The following SCLT1 variants were observed in gnomAD, a reference collection of about 807,000 sequenced individuals.
The protein encoded by SCLT1 is sodium channel and clathrin linker 1, also known as sodium channel-associated protein 1.
In SCLT1, 78 loss-of-function variants were observed where a neutral mutation model predicts 112.8. The observed-to-expected ratio is 0.69, with a 90% CI of 0.58 to 0.83. SCLT1 has a LOEUF of 0.83. Among genes scored for constraint, SCLT1 ranks in the 40% least tolerant of loss-of-function variants. The probability of loss-of-function intolerance (pLI) is 0.00; values close to 1 mark genes in which losing one functional copy is unlikely to be tolerated. For synonymous variants in SCLT1, 257 were observed against 254.7 expected (o/e 1.01, Z -0.09); for missense variants, 747 against 770.4 (o/e 0.97, Z 0.36).
At chr4:128,977,190 T>G (rs753525202) in intron 9 of SCLT1, among the ~76,000 whole-genome samples, 1 of 152,232 alleles carries the variant, frequency 6.6e-6, no homozygotes, top group East Asian at 1.9e-4. Flanking sequence ...ATGCATTCAT[T>G]CTTTGAACAA....
intron 18 of SCLT1, among the ~76,000 whole-genome samples, chr4:128,906,229 G>T (rs992420614): frequency 6.6e-6 from 1 of 151,908 alleles, no homozygotes; most frequent in African/African-American, 2.4e-5. Context: ...ACAGAGTCTC[G>T]CTCTGTCGCC....
At chr4:128,914,219 A>T (rs1735307555) in intron 18 of SCLT1, among the ~76,000 whole-genome samples, 1 of 152,126 alleles carries the variant, frequency 6.6e-6, no homozygotes, top group South Asian at 2.1e-4. Flanking sequence ...CAAAAAAATT[A>T]GCTGGGCATG....
chr4:128,873,502 T>C (rs1300216569), intron 5 of SCLT1: 1 of 152,640 alleles, frequency 6.6e-6, no homozygotes, highest in Non-Finnish European at 1.5e-5. Context: ...TATTAAGTTA[T>C]CAGCAATAAT....
rs1487885150 is a variant in SCLT1, at chr4:129,027,578, TG to T, written c.290+11462del. Among the ~76,000 whole-genome samples the T allele has an allele frequency of 4.5e-4, 68 of 152,206 alleles. 1 individual carries two copies. The highest frequency in any genetic ancestry group is 1.6e-3 in the African/African-American group (65 of 41,538). On this transcript the variant is annotated intron_variant, in intron 5 of 20. Transcript: ENST00000281142. ...AACCCACAGCCAATATCATACTGAA[TG>T]GGCAAAAACTGGAAGCATTCCCTTT...
In SCLT1 at chr4:129,039,021, C is replaced by G. The variant is rs755500139; in HGVS notation, c.290+20G>C. ...CCTAAGACAATAATAAAAGATAAAACCAATAGTTAATTGATTTACCTTTCA... is the reference window on the plus strand; with the variant it reads ...CCTAAGACAATAATAAAAGATAAAAGCAATAGTTAATTGATTTACCTTTCA... On this transcript the variant is annotated intron_variant, in intron 5 of 20. Coordinates refer to ENST00000281142, the MANE Select transcript of SCLT1 (RefSeq NM_144643.4). The G allele has an allele frequency of 7.3e-7, 1 of 1,361,204 alleles. No homozygotes were observed. The highest frequency in any genetic ancestry group is 1.2e-5 in the South Asian group (1 of 85,086). The allele number at this position is 1,361,204 out of a possible 1,614,324, so 84.3% of individuals were successfully genotyped here.
intron 2 of SCLT1, among the ~76,000 whole-genome samples, chr4:129,054,883 T>C (rs1343183670): frequency 6.6e-6 from 1 of 152,364 alleles, no homozygotes; most frequent in Non-Finnish European, 1.5e-5. Context: ...CTCATCATCA[T>C]GGATTTATCT....
chr4:128,880,290 A>G (rs929132184), downstream of SCLT1, among the ~76,000 whole-genome samples: 3 of 152,176 alleles, frequency 2.0e-5, no homozygotes, highest in African/African-American at 7.2e-5. Context: ...AAGACTGTCT[A>G]TATTTCAATC....
chr4:128,932,701 T>C (rs1199026300), intron 18 of SCLT1, among the ~76,000 whole-genome samples: 2 of 152,090 alleles, frequency 1.3e-5, no homozygotes, highest in African/African-American at 4.8e-5. Context: ...TGATCTAATA[T>C]ATATAAAACC....
At chr4:128,935,331 T>G (rs1208290502) in intron 18 of SCLT1, among the ~76,000 whole-genome samples, 1 of 152,026 alleles carries the variant, frequency 6.6e-6, no homozygotes, top group Non-Finnish European at 1.5e-5. Context: ...CTCCTTTTAT[T>G]ATGGTTAACA....
rs1242447486 is a variant in SCLT1, at chr4:128,998,999, C to A, written c.549+673G>T. Among the ~76,000 whole-genome samples the A allele has an allele frequency of 2.6e-5, 4 of 151,734 alleles. 1 individual carries two copies. Among genetic ancestry groups the A allele is most frequent in the Admixed American group, 1.3e-4 (2 of 15,208 alleles). On this transcript the variant is annotated intron_variant, in intron 7 of 20. Coordinates refer to ENST00000281142, the MANE Select transcript of SCLT1 (RefSeq NM_144643.4). ...TCAATGCACCTAGCAATAAAAGAAC[C>A]AACAGAAGAATAAAAGAGGTAGATT...
rs191244370 is a variant in SCLT1, at chr4:128,999,847, T to C, written c.427-53A>G. The C allele has an allele frequency of 4.7e-6, 6 of 1,288,350 alleles. No homozygotes were observed. The East Asian group carries it at 9.5e-5, about 20-fold the overall frequency. 79.8% of individuals were successfully genotyped at this position (1,288,350 alleles called of 1,614,324 possible). A position where few individuals can be genotyped will look rare whatever the true frequency, so the allele number is the denominator to read the frequency against. ...AATTATCAGCAGGCTATTTATTGTA[T>C]AGTACAAATGGATCATTTTCTTTTA... On this transcript the variant is annotated intron_variant, in intron 6 of 20. Transcript: ENST00000281142.
At position 129,050,883 on chromosome 4, in the gene SCLT1, T is replaced by C. The variant is rs540248645; in HGVS notation, c.103-6832A>G. ...TTTTGGCTTTTAAATCTTTAAACCA[T>C]CATGAGATAATTTTTGTATAAGGTG... On this transcript the variant is annotated intron_variant, in intron 2 of 20. Transcript: ENST00000281142. Among the ~76,000 whole-genome samples, 107 of 152,292 alleles carry C rather than the reference T, an allele frequency of 7.0e-4. 2 individuals are homozygous for C. Among genetic ancestry groups the C allele is most frequent in the African/African-American group, 2.5e-3 (104 of 41,566 alleles).
At chr4:128,914,252 G>C (rs1477797879) in intron 18 of SCLT1, among the ~76,000 whole-genome samples, 2 of 151,964 alleles carry the variant, frequency 1.3e-5, no homozygotes, top group African/African-American at 2.4e-5. Context: ...TGTAGTCTCA[G>C]CTACTCTGGA....
At chr4:129,062,439 C>T (rs1359181276) in intron 2 of SCLT1, among the ~76,000 whole-genome samples, 1 of 152,058 alleles carries the variant, frequency 6.6e-6, no homozygotes, top group African/African-American at 2.4e-5. Context: ...TTATACACCA[C>T]CATTACAGTG....
At chr4:128,994,035 T>C (rs899274642) in intron 8 of SCLT1, among the ~76,000 whole-genome samples, 2 of 152,172 alleles carry the variant, frequency 1.3e-5, no homozygotes, top group African/African-American at 4.8e-5. Context: ...GTAGTAAGAA[T>C]ACTTACATGA....
In SCLT1 at chr4:128,891,083, T is replaced by C; in HGVS notation, c.1884A>G (p.Glu628=). The C allele has an allele frequency of 6.2e-7, 1 of 1,613,080 alleles. No individual in the cohort carries two copies. Among genetic ancestry groups the C allele is most frequent in the Non-Finnish European group, 8.5e-7 (1 of 1,179,424 alleles). ...LHTQELLSQL[E]MANEKVAENE... ...CCTCAGCTACCTTTTCATTTGCCATTTCCAGCTGAGAAAGCAGCTCTTGGG... is the reference window on the plus strand; with the variant it reads ...CCTCAGCTACCTTTTCATTTGCCATCTCCAGCTGAGAAAGCAGCTCTTGGG... Residue 628 remains glutamate (E), a synonymous_variant, in exon 19 of 21, where the codon GAA becomes GAG. Coordinates refer to ENST00000281142, the MANE Select transcript of SCLT1 (RefSeq NM_144643.4).
rs868445239 is a variant in SCLT1, at chr4:129,006,406, C to T, written c.291-2530G>A. On this transcript the variant is annotated intron_variant, in intron 5 of 20. Coordinates refer to ENST00000281142, the MANE Select transcript of SCLT1 (RefSeq NM_144643.4). ...TACAAAAATTAGCCGGGCATGGTGG[C>T]GTGTGCCTGTAGTCCCAGCTACTCA... Among the ~76,000 whole-genome samples, 4 of 151,666 alleles carry T rather than the reference C, an allele frequency of 2.6e-5. No individual in the cohort carries two copies. The East Asian group carries it at 5.8e-4, about 22-fold the overall frequency.
chr4:129,033,835 T>C (rs1489318543), intron 5 of SCLT1, among the ~76,000 whole-genome samples: 1 of 152,110 alleles, frequency 6.6e-6, no homozygotes, highest in Non-Finnish European at 1.5e-5. Flanking sequence ...CATACATAAA[T>C]ACCAAAACAT....
rs551685790 is a variant in SCLT1, at chr4:129,006,369, C to T, written c.291-2493G>A. On this transcript the variant is annotated intron_variant, in intron 5 of 20. Transcript: ENST00000281142. ...CCTGGCCAATGTGGTGAAACCCCGTCTCTACTAAAAATACAAAAATTAGCC... is the reference window on the plus strand; with the variant it reads ...CCTGGCCAATGTGGTGAAACCCCGTTTCTACTAAAAATACAAAAATTAGCC... Among the ~76,000 whole-genome samples the T allele has an allele frequency of 2.8e-4, 42 of 151,888 alleles. 1 individual carries two copies. The South Asian group carries it at 6.5e-3, about 23-fold the overall frequency.
Sources: gnomAD v4.1 joint callset for allele counts (sites outside exome capture counted in the v4.1 genomes callset) on GRCh38, gnomAD v4.1.1 for gene constraint, MANE v1.5 for transcripts, NCBI Gene and HGNC (gene_info 2026-07-23, HGNC 2026-07-21) for gene names.